Variants in FZD3 observed in about 807,000 individuals in gnomAD.
FZD3 encodes frizzled class receptor 3.
Under a neutral mutation model 60.7 loss-of-function variants are expected in FZD3, and 30 were observed. The observed-to-expected ratio is 0.49, with a 90% CI of 0.37 to 0.67. The LOEUF (loss-of-function observed/expected upper bound fraction) is 0.67, where lower values mean the gene tolerates loss of function less well. Among genes scored for constraint, FZD3 ranks in the 30% least tolerant of loss-of-function variants. The pLI, the probability that FZD3 is intolerant of heterozygous loss-of-function variation, is 0.00. For missense variants in FZD3, 605 were observed against 838.7 expected (o/e 0.72, Z 3.44); for synonymous variants, 246 against 275.2 (o/e 0.89, Z 1.05).
chr8:28,527,876 A>C lies in FZD3; in HGVS notation c.1116A>C (p.Arg372Ser), dbSNP rs1166639393. ...GCCTCTACGATGTTGATGCATTGAG[A>C]TATTTTGTTCTTGCTCCCCTCTGCC... ...FVGLYDVDAL[R>S]YFVLAPLCLY... Residue 372 changes from arginine (R) to serine (S), a missense_variant, in exon 5 of 8, where the codon AGA (arginine) becomes AGC (serine). Arg to Ser is a moderately radical substitution (Grantham distance 110, BLOSUM62 -1). Transcript: ENST00000240093. This position sits in a 1 kb window ranked among gnomAD's most constrained non-coding sequence, Gnocchi z 5.0. The C allele has an allele frequency of 6.2e-7, 1 of 1,613,968 alleles. No individual in the cohort carries two copies. Among genetic ancestry groups the C allele is most frequent in the African/African-American group, 1.3e-5 (1 of 74,928 alleles).
Position 28,568,069 on chromosome 8 carries a change from A to C in FZD3, c.*5058A>C, listed in dbSNP as rs1322883665. 1 of 152,104 alleles carries C rather than the reference A, an allele frequency of 6.6e-6. No homozygotes were observed. Among genetic ancestry groups the C allele is most frequent in the South Asian group, 2.1e-4 (1 of 4,834 alleles). 9.4% of individuals were successfully genotyped at this position (152,104 alleles called of 1,614,324 possible). On this transcript the variant is annotated 3_prime_UTR_variant, in exon 8 of 8. Transcript: ENST00000240093. Reference sequence around the variant, plus strand: ...AATTTTAAGTCATCACACTATGAGAATTGTTTGTACACATTTATAATTTTT... The same window carrying C: ...AATTTTAAGTCATCACACTATGAGACTTGTTTGTACACATTTATAATTTTT...
At chr8:28,544,909 G>A (rs1461921097) in intron 5 of FZD3, among the ~76,000 whole-genome samples, 5 of 152,172 alleles carry the variant, frequency 3.3e-5, no homozygotes, top group Non-Finnish European at 1.5e-5. Context: ...TCTTCTTCCT[G>A]ATGGGAACTG....
At chr8:28,520,087 A>G (rs1353886427) in intron 3 of FZD3, among the ~76,000 whole-genome samples, 6 of 150,852 alleles carry the variant, frequency 4.0e-5, no homozygotes, top group Non-Finnish European at 8.9e-5. Context: ...GTGCATGCCT[A>G]TAATCGCAGC....
intron 3 of FZD3, among the ~76,000 whole-genome samples, chr8:28,520,399 A>G (rs1804546751): frequency 1.3e-5 from 2 of 152,224 alleles, no homozygotes; most frequent in Non-Finnish European, 2.9e-5. Flanking sequence ...CATCAATATC[A>G]CCTGTAATAC....
rs143688011 is a variant in FZD3 at position 28,495,764 on chromosome 8, T to G, written c.-391+1421T>G. 8.9e-3 allele frequency among the ~76,000 whole-genome samples: 1,347 copies of G among 151,796 alleles called. 9 individuals are homozygous for G. Among genetic ancestry groups the G allele is most frequent in the Non-Finnish European group, 0.014 (928 of 67,882 alleles). ...AGAGTCGGAGAGCCTAGGAAAGAGG[T>G]GTAAGAGCTTGACTGGGTGGGGCTG... On this transcript the variant is annotated intron_variant, in intron 1 of 7. Transcript: ENST00000240093.
At chr8:28,495,677 A>G (rs1435199757) in intron 1 of FZD3, among the ~76,000 whole-genome samples, 3 of 152,168 alleles carry the variant, frequency 2.0e-5, no homozygotes, top group Admixed American at 6.5e-5. Context: ...CTTTTAAACA[A>G]ATCAATACTA....
At chr8:28,539,387 G>A (rs938119151) in intron 5 of FZD3, among the ~76,000 whole-genome samples, 1 of 152,144 alleles carries the variant, frequency 6.6e-6, no homozygotes, top group Admixed American at 6.5e-5. Flanking sequence ...TGTGAAATTT[G>A]TTTTGCTGTC....
chr8:28,502,337 T>C (rs1017590066), intron 2 of FZD3, among the ~76,000 whole-genome samples: 2 of 152,168 alleles, frequency 1.3e-5, no homozygotes, highest in African/African-American at 4.8e-5. Flanking sequence ...TTAAATAAAA[T>C]TTAGGACAAT....
intron 7 of FZD3, among the ~76,000 whole-genome samples, chr8:28,557,307 T>A (rs1805529413): frequency 6.7e-6 from 1 of 149,184 alleles, no homozygotes; most frequent in South Asian, 2.1e-4. Context: ...TTTTGGGGTG[T>A]TTTTTTTTAA....
At chr8:28,509,767 T>G (rs1158781523) in intron 3 of FZD3, among the ~76,000 whole-genome samples, 1 of 152,198 alleles carries the variant, frequency 6.6e-6, no homozygotes, top group Non-Finnish European at 1.5e-5. Context: ...TGTGTTGGAA[T>G]TTTCTTATTT....
At position 28,547,981 on chromosome 8, in the gene FZD3, T is replaced by C. The variant is rs10090168; in HGVS notation, c.1405-3622T>C. ...AATTCTTCAGTCTCAGCCTCCCAAG[T>C]AGCTGGGACTACAGGCGCCCACCAT... On this transcript the variant is annotated intron_variant, in intron 5 of 7. Coordinates refer to ENST00000240093, the MANE Select transcript of FZD3 (RefSeq NM_017412.4). 5.2e-3 allele frequency among the ~76,000 whole-genome samples: 792 copies of C among 151,884 alleles called. 4 individuals carry two copies. The highest frequency in any genetic ancestry group is 0.016 in the African/African-American group (666 of 41,424).
chr8:28,532,748 C>G (rs1804912393), intron 5 of FZD3, among the ~76,000 whole-genome samples: 1 of 152,078 alleles, frequency 6.6e-6, no homozygotes, highest in Non-Finnish European at 1.5e-5. Context: ...TATCAAACAT[C>G]CTTGTTGAAC....
chr8:28,511,198 A>G (rs982178035), intron 3 of FZD3, among the ~76,000 whole-genome samples: 10 of 151,924 alleles, frequency 6.6e-5, no homozygotes, highest in African/African-American at 2.4e-4. Flanking sequence ...CTAAAAATAC[A>G]AAAGTTGGCC....
intron 3 of FZD3, among the ~76,000 whole-genome samples, chr8:28,508,148 G>T (rs1804190113): frequency 6.6e-6 from 1 of 152,120 alleles, no homozygotes; most frequent in Non-Finnish European, 1.5e-5. Flanking sequence ...TCCTGCCTTG[G>T]CTTCCCAAAG....
chr8:28,557,288 C>G (rs1313152481), intron 7 of FZD3, among the ~76,000 whole-genome samples: 1 of 149,516 alleles, frequency 6.7e-6, no homozygotes, highest in African/African-American at 2.4e-5. Context: ...AAGGAATGTG[C>G]TAAATATTTT....
At chr8:28,540,846 G>A (rs901742933) in intron 5 of FZD3, among the ~76,000 whole-genome samples, 8 of 152,296 alleles carry the variant, frequency 5.3e-5, no homozygotes, top group African/African-American at 1.9e-4. Flanking sequence ...TCAGGAGGCT[G>A]AGGCAGGAGA....
intron 3 of FZD3, among the ~76,000 whole-genome samples, chr8:28,510,728 T>C (rs535939706): frequency 6.6e-6 from 1 of 152,128 alleles, no homozygotes; most frequent in Non-Finnish European, 1.5e-5. Flanking sequence ...ACGAGATATG[T>C]GAAAATTGTT....
At chr8:28,535,919 A>G (rs1018442085) in intron 5 of FZD3, among the ~76,000 whole-genome samples, 4 of 152,202 alleles carry the variant, frequency 2.6e-5, no homozygotes, top group Non-Finnish European at 5.9e-5. Context: ...TGAATTTAGC[A>G]TAATATTCGT....
At chr8:28,501,584 A>T (rs1803993894) in intron 2 of FZD3, among the ~76,000 whole-genome samples, 1 of 152,248 alleles carries the variant, frequency 6.6e-6, no homozygotes, top group South Asian at 2.1e-4. Flanking sequence ...CAAAGTTAAC[A>T]TCGTTACTAA....
Sources: allele counts gnomAD v4.1 joint callset (sites outside exome capture counted in the v4.1 genomes callset), GRCh38; gene constraint gnomAD v4.1.1; non-coding constraint Gnocchi (gnomAD v3.1); transcripts MANE v1.5; gene names NCBI Gene and HGNC (gene_info 2026-07-23, HGNC 2026-07-21).